Variants in SAMM50 observed in about 807,000 individuals in gnomAD.
The protein encoded by SAMM50 is sorting and assembly machinery component 50 homolog.
In SAMM50, 47 loss-of-function variants were observed where a neutral mutation model predicts 66.9. The ratio of observed to expected loss-of-function variants is 0.70; its 90% confidence interval spans 0.56 to 0.90. The LOEUF is 0.90. SAMM50 is among the 40% of genes least tolerant of loss of function. The probability of loss-of-function intolerance (pLI) is 0.00; values close to 1 mark genes in which losing one functional copy is unlikely to be tolerated. For missense variants in SAMM50, 535 were observed against 595.3 expected, an observed-to-expected ratio of 0.90 and a Z score of 1.05; for synonymous variants, 191 against 214.1, an observed-to-expected ratio of 0.89 and a Z score of 0.94.
intron 12 of SAMM50, chr22:43,988,298 C>G (rs1265247559): frequency 1.3e-5 from 2 of 152,146 alleles, no homozygotes; most frequent in African/African-American, 4.8e-5. Flanking sequence ...GAACTGAAGT[C>G]TTTAAATGAA....
Position 43,972,276 on chromosome 22 carries a change from A to G in SAMM50, c.363A>G (p.Glu121=), listed in dbSNP as rs763914527. 11 of 1,606,086 alleles carry G rather than the reference A, an allele frequency of 6.8e-6. No individual in the cohort carries two copies. Among genetic ancestry groups the G allele is most frequent in the Non-Finnish European group, 9.3e-6 (11 of 1,177,940 alleles). The change falls in exon 5 of 15, where the codon GAA becomes GAG. Residue 121 remains glutamate (E), a synonymous_variant. Coordinates refer to ENST00000350028, the MANE Select transcript of SAMM50 (RefSeq NM_015380.5). ...ALPNGLDVTF[E]VTELRRLTGS... Reference sequence around the variant, plus strand: ...CAAATGGGTTAGACGTTACCTTTGAAGTAACTGAATTGAGGAGATTAACGG... The same window carrying G: ...CAAATGGGTTAGACGTTACCTTTGAGGTAACTGAATTGAGGAGATTAACGG...
At chr22:43,976,006 GT>G in intron 7 of SAMM50, 48 bp from the exon 8 acceptor site, 1 of 1,552,934 alleles carries the variant, frequency 6.4e-7, no homozygotes, top group East Asian at 2.3e-5. Context: ...TTTGCAACAA[GT>G]TCCTAAGTAT....
chr22:43,956,154 C>T (rs990146485), intron 1 of SAMM50, among the ~76,000 whole-genome samples: 1 of 152,182 alleles, frequency 6.6e-6, no homozygotes. Flanking sequence ...AAAGACAATG[C>T]ATGTGAATAC....
intron 7 of SAMM50, chr22:43,975,815 G>A: frequency 4.4e-6 from 2 of 458,696 alleles, no homozygotes; most frequent in Non-Finnish European, 8.0e-6. Flanking sequence ...GTGCAGTCCT[G>A]CTACTTAGAG....
intron 14 of SAMM50, among the ~76,000 whole-genome samples, chr22:43,995,098 T>C (rs1162542995): frequency 6.6e-6 from 1 of 152,172 alleles, no homozygotes; most frequent in Non-Finnish European, 1.5e-5. Flanking sequence ...ATGTGGATTC[T>C]GGTGTTTTAA....
At chr22:43,972,205 C>A (rs2050207124) in intron 4 of SAMM50, 31 bp from the exon 5 acceptor site, 1 of 1,361,560 alleles carries the variant, frequency 7.3e-7, no homozygotes. Flanking sequence ...AACATCCTGG[C>A]TGTCTTATTG....
chr22:43,973,914 G>A (rs952203110), intron 7 of SAMM50, among the ~76,000 whole-genome samples: 2 of 152,114 alleles, frequency 1.3e-5, no homozygotes, highest in Admixed American at 6.6e-5. Context: ...CACCTGGTCC[G>A]GAAGGTTTCA....
At chr22:43,955,797 A>G (rs2146801693) in intron 1 of SAMM50, among the ~76,000 whole-genome samples, 199 bp downstream of exon 1, 1 of 152,352 alleles carries the variant, frequency 6.6e-6, no homozygotes, top group Non-Finnish European at 1.5e-5. Context: ...GGAACCTGAT[A>G]GGAGGGACGA....
rs2050157994 is a variant in SAMM50 at position 43,963,496 on chromosome 22, T to C, written c.132+100T>C. ...AAAGGAATTAACCTGTTTCCGTGCC[T>C]TTATCAAAGAAGAGTTTGTAACCAC... On this transcript the variant is annotated intron_variant, in intron 2 of 14. Transcript: ENST00000350028. 9 of 612,266 alleles carry C rather than the reference T, an allele frequency of 1.5e-5. No individual in the cohort carries two copies. The South Asian group carries it at 2.8e-4, about 19-fold the overall frequency. The allele number at this position is 612,266 out of a possible 1,614,324, so 37.9% of individuals were successfully genotyped here. A position where few individuals can be genotyped will look rare whatever the true frequency, so the allele number is the denominator to read the frequency against.
chr22:43,995,567 G>A (rs2050348764), intron 14 of SAMM50: 1 of 152,478 alleles, frequency 6.6e-6, no homozygotes, highest in African/African-American at 2.4e-5. Flanking sequence ...GGCGGACAGA[G>A]CTGCTGCAGG....
At chr22:43,966,266 C>G (rs1409593187) in intron 3 of SAMM50, among the ~76,000 whole-genome samples, 1 of 152,170 alleles carries the variant, frequency 6.6e-6, no homozygotes, top group African/African-American at 2.4e-5. Flanking sequence ...AGGATAAATT[C>G]CTGGAAGTGG....
At chr22:43,976,991 C>T (rs547459187) in intron 9 of SAMM50, among the ~76,000 whole-genome samples, 170 bp downstream of exon 9, 19 of 152,314 alleles carry the variant, frequency 1.2e-4, no homozygotes, top group African/African-American at 3.8e-4. Context: ...GCTTCCAGCC[C>T]GGAAATTGCT....
intron 13 of SAMM50, 96 bp from the exon 14 acceptor site, chr22:43,990,169 G>T: frequency 6.9e-7 from 1 of 1,454,774 alleles, no homozygotes; most frequent in Non-Finnish European, 9.4e-7. Flanking sequence ...AACAACTGCA[G>T]GGCCCAGCCA....
At chr22:43,977,630 G>A (rs2050239565) in intron 9 of SAMM50, among the ~76,000 whole-genome samples, 1 of 152,194 alleles carries the variant, frequency 6.6e-6, no homozygotes, top group African/African-American at 2.4e-5. Flanking sequence ...CAGGCTGCCA[G>A]TGCTCCCTGC....
At chr22:43,958,391 C>T (rs1428439293) in intron 1 of SAMM50, among the ~76,000 whole-genome samples, 4 of 151,278 alleles carry the variant, frequency 2.6e-5, no homozygotes, top group South Asian at 4.2e-4. Flanking sequence ...TTATTCAGCT[C>T]ATATTTATTG....
intron 12 of SAMM50, 83 bp from the exon 13 acceptor site, chr22:43,989,028 C>T: frequency 2.8e-6 from 4 of 1,416,324 alleles, no homozygotes; most frequent in Non-Finnish European, 3.9e-6. Context: ...GGACAGAAAT[C>T]TTGCTTCTGT....
intron 4 of SAMM50, among the ~76,000 whole-genome samples, chr22:43,970,112 G>A (rs1003188806): frequency 6.6e-6 from 1 of 152,176 alleles, no homozygotes; most frequent in African/African-American, 2.4e-5. Context: ...TAAAAGAACA[G>A]TGGCTTAGAC....
At chr22:43,970,899 G>A (rs1420903588) in intron 4 of SAMM50, among the ~76,000 whole-genome samples, 1 of 152,178 alleles carries the variant, frequency 6.6e-6, no homozygotes, top group East Asian at 1.9e-4. Flanking sequence ...AGGCGGGGTG[G>A]CTCACGCCTG....
chr22:43,972,158 T>G, intron 4 of SAMM50, 78 bp from the exon 5 acceptor site: 1 of 779,174 alleles, frequency 1.3e-6, no homozygotes, highest in East Asian at 2.7e-5. Context: ...TCAGATTGCT[T>G]TTTGTCTTTT....
Sources: gnomAD v4.1 joint callset for allele counts (sites outside exome capture counted in the v4.1 genomes callset) on GRCh38, gnomAD v4.1.1 for gene constraint, MANE v1.5 for transcripts, NCBI Gene and HGNC (gene_info 2026-07-23, HGNC 2026-07-21) for gene names.